Variants in IKZF3 observed in about 807,000 individuals in gnomAD.
IKZF3 encodes zinc finger protein Aiolos.
A neutral mutation model predicts 49.0 loss-of-function variants in IKZF3; 10 were observed. The ratio of observed to expected loss-of-function variants is 0.20; its 90% CI spans 0.13 to 0.35. IKZF3 has a LOEUF of 0.35. Ranked by LOEUF, IKZF3 falls within the 10% of genes least tolerant of loss-of-function variation. IKZF3 has a pLI of 1.00. For missense variants in IKZF3, 498 were observed against 664.8 expected (o/e 0.75, Z 2.76); for synonymous variants, 209 against 228.2 (o/e 0.92, Z 0.76).
At chr17:39,778,003 A>C in intron 6 of IKZF3, 1 of 1,194,486 alleles carries the variant, frequency 8.4e-7, no homozygotes, top group Non-Finnish European at 1.0e-6. Flanking sequence ...CCCATCCCCA[A>C]CCAGTACCTT....
At chr17:39,850,341 C>G (rs1274363848) in intron 1 of IKZF3, among the ~76,000 whole-genome samples, 1 of 133,434 alleles carries the variant, frequency 7.5e-6, no homozygotes, top group Non-Finnish European at 1.5e-5. Flanking sequence ...GCATATTATA[C>G]ATGTACATAT....
At chr17:39,778,182 C>G in intron 6 of IKZF3, 11 of 987,292 alleles carry the variant, frequency 1.1e-5, no homozygotes, top group Non-Finnish European at 1.3e-5. Context: ...AAGCATGGTG[C>G]CCCAGATTTA....
intron 3 of IKZF3, among the ~76,000 whole-genome samples, chr17:39,826,862 T>C (rs913093176): frequency 6.6e-6 from 1 of 152,230 alleles, no homozygotes; most frequent in African/African-American, 2.4e-5. Flanking sequence ...CAAACTATTA[T>C]GTCTGCCAAT....
Position 39,829,490 on chromosome 17 carries a change from T to G in IKZF3, c.62-2A>C. 6.3e-7 allele frequency: 1 copy of G among 1,599,330 alleles called. No homozygotes were observed. The highest frequency in any genetic ancestry group is 8.6e-7 in the Non-Finnish European group (1 of 1,166,690). ...AGTCATTCAAAACCGCTGCACTTTCTAAAAGATAAAAGGAATTTTAAGTAT... is the reference window on the plus strand; with the variant it reads ...AGTCATTCAAAACCGCTGCACTTTCGAAAAGATAAAAGGAATTTTAAGTAT... On this transcript the variant is annotated splice_acceptor_variant, in intron 2 of 7. Coordinates refer to ENST00000346872, the MANE Select transcript of IKZF3 (RefSeq NM_012481.5). LOFTEE classifies it high-confidence loss of function.
At chr17:39,818,284 T>A (rs972683385) in intron 3 of IKZF3, among the ~76,000 whole-genome samples, 8 of 152,228 alleles carry the variant, frequency 5.3e-5, no homozygotes, top group Non-Finnish European at 1.5e-5. Context: ...TTTTTTCCTA[T>A]ACATACATAC....
chr17:39,795,463 T>C (rs1232877419), intron 3 of IKZF3, among the ~76,000 whole-genome samples: 1 of 152,060 alleles, frequency 6.6e-6, no homozygotes, highest in Non-Finnish European at 1.5e-5. Context: ...GCCTGGAGTG[T>C]AGTGGCACGA....
intron 1 of IKZF3, among the ~76,000 whole-genome samples, chr17:39,845,037 C>G (rs2062589318): frequency 6.6e-6 from 1 of 152,098 alleles, no homozygotes; most frequent in Non-Finnish European, 1.5e-5. Context: ...GTTGAATGAA[C>G]AAGTGAAGTT....
intron 5 of IKZF3, among the ~76,000 whole-genome samples, chr17:39,791,116 T>C (rs569062695): frequency 6.6e-6 from 1 of 152,284 alleles, no homozygotes; most frequent in African/African-American, 2.4e-5. Context: ...AAAATACTGA[T>C]GGCTATAATT....
intron 1 of IKZF3, among the ~76,000 whole-genome samples, chr17:39,844,271 A>G (rs2062563075): frequency 6.6e-6 from 1 of 152,192 alleles, no homozygotes; most frequent in Admixed American, 6.5e-5. Flanking sequence ...GTTTATACAT[A>G]TCTGGGGCAA....
intron 2 of IKZF3, among the ~76,000 whole-genome samples, 171 bp downstream of exon 2, chr17:39,831,927 T>A (rs989412767): frequency 6.6e-6 from 1 of 152,204 alleles, no homozygotes; most frequent in Non-Finnish European, 1.5e-5. Flanking sequence ...AGAACTTACA[T>A]GATCTAAATG....
intron 3 of IKZF3, among the ~76,000 whole-genome samples, chr17:39,793,866 T>C (rs2143904939): frequency 6.6e-6 from 1 of 152,304 alleles, no homozygotes; most frequent in East Asian, 1.9e-4. Context: ...GGGAAAAATA[T>C]GAAGAACATA....
At chr17:39,818,994 C>A (rs1483921373) in intron 3 of IKZF3, among the ~76,000 whole-genome samples, 2 of 152,172 alleles carry the variant, frequency 1.3e-5, no homozygotes, top group African/African-American at 4.8e-5. Flanking sequence ...CACTCCTAGA[C>A]CCCTAGCAAC....
intron 2 of IKZF3, 140 bp from the exon 3 acceptor site, chr17:39,829,628 A>G: frequency 1.7e-6 from 1 of 604,124 alleles, no homozygotes; most frequent in African/African-American, 1.9e-5. Context: ...CATACCCAAA[A>G]GGGATGTATA....
chr17:39,764,740 C>T lies in IKZF3; in HGVS notation c.*1050G>A, dbSNP rs1160702684. 6.6e-6 allele frequency: 1 copy of T among 152,160 alleles called. No homozygotes were observed. Among genetic ancestry groups the T allele is most frequent in the Admixed American group, 6.5e-5 (1 of 15,276 alleles). 9.4% of individuals were successfully genotyped at this position (152,160 alleles called of 1,614,324 possible). A position where few individuals can be genotyped will look rare whatever the true frequency, so the allele number is the denominator to read the frequency against. On this transcript the variant is annotated 3_prime_UTR_variant, in exon 8 of 8. Coordinates refer to ENST00000346872, the MANE Select transcript of IKZF3 (RefSeq NM_012481.5). ...AGGAGAACCTCTCAATAGAGGTGTC[C>T]CTCCTCACCCCATTCCGGAGCTCAA...
chr17:39,803,927 G>A (rs1191165868), intron 3 of IKZF3, among the ~76,000 whole-genome samples: 1 of 152,158 alleles, frequency 6.6e-6, no homozygotes, highest in Admixed American at 6.5e-5. Context: ...CATTCTGACT[G>A]TCACAATACC....
chr17:39,790,625 C>G (rs2060994418), intron 5 of IKZF3, among the ~76,000 whole-genome samples: 1 of 152,062 alleles, frequency 6.6e-6, no homozygotes, highest in Non-Finnish European at 1.5e-5. Flanking sequence ...AAAATAAACT[C>G]AGTCTTATTT....
At chr17:39,850,714 TTA>T (rs553196378) in intron 1 of IKZF3, among the ~76,000 whole-genome samples, 6,878 of 20,480 alleles carry the variant, frequency 0.34, 530 homozygotes, top group African/African-American at 0.48. Flanking sequence ...ATATAATACA[TTA>T]TATATATACA....
intron 3 of IKZF3, among the ~76,000 whole-genome samples, chr17:39,795,157 T>C (rs2061130663): frequency 6.6e-6 from 1 of 152,144 alleles, no homozygotes; most frequent in South Asian, 2.1e-4. Context: ...TTAGTTGGCC[T>C]GACCTGGAAT....
chr17:39,846,373 A>G (rs1187379896), intron 1 of IKZF3, among the ~76,000 whole-genome samples: 1 of 152,002 alleles, frequency 6.6e-6, no homozygotes, highest in Non-Finnish European at 1.5e-5. Context: ...ACTTCATCAC[A>G]TGCTTACTAA....
Sources: allele counts gnomAD v4.1 joint callset (sites outside exome capture counted in the v4.1 genomes callset), GRCh38; gene constraint gnomAD v4.1.1; transcripts MANE v1.5; gene names NCBI Gene and HGNC (gene_info 2026-07-23, HGNC 2026-07-21).